SUGCT: variants seen among roughly 807,000 people sequenced by gnomAD.
SUGCT encodes the protein succinyl-CoA:glutarate-CoA transferase, also known as succinyl-CoA:glutarate CoA-transferase.
In SUGCT, 41 loss-of-function variants were observed where a neutral mutation model predicts 55.0. The observed-to-expected ratio is 0.74, with a 90% CI of 0.58 to 0.97. The LOEUF is 0.97. SUGCT is among the 50% of genes least tolerant of loss of function. SUGCT has a pLI of 0.00. For missense variants in SUGCT, 568 were observed against 547.8 expected, an observed-to-expected ratio of 1.04 and a Z score of -0.37; for synonymous variants, 187 against 200.4, an observed-to-expected ratio of 0.93 and a Z score of 0.56.
the SUGCT span, among the ~76,000 whole-genome samples, chr7:40,914,979 G>A: frequency 6.6e-6 from 1 of 152,276 alleles, no homozygotes; most frequent in African/African-American, 2.4e-5. Flanking sequence ...AATTTTGCAG[G>A]TTTAGAAAAG....
intron 12 of SUGCT, among the ~76,000 whole-genome samples, chr7:40,670,458 A>G (rs549946550): frequency 1.3e-5 from 2 of 152,272 alleles, no homozygotes; most frequent in East Asian, 3.9e-4. Context: ...AATGTCAGAA[A>G]TAAAACAGGA....
the SUGCT span, among the ~76,000 whole-genome samples, chr7:40,880,750 A>G: frequency 6.6e-6 from 1 of 152,204 alleles, no homozygotes; most frequent in Non-Finnish European, 1.5e-5. Flanking sequence ...TGATTCAGTG[A>G]CCTATGCTGA....
intron 12 of SUGCT, among the ~76,000 whole-genome samples, chr7:40,501,095 G>T (rs1339424234): frequency 6.6e-6 from 1 of 152,016 alleles, no homozygotes; most frequent in East Asian, 1.9e-4. Context: ...GAAAACTGTT[G>T]GTAAAGATCT....
At chr7:40,439,103 T>G (rs1229468373) in intron 9 of SUGCT, among the ~76,000 whole-genome samples, 1 of 129,706 alleles carries the variant, frequency 7.7e-6, no homozygotes, top group Non-Finnish European at 1.6e-5. Flanking sequence ...TATATATATA[T>G]ATATATATGG....
At chr7:40,747,411 C>T (rs1441666949) in intron 12 of SUGCT, among the ~76,000 whole-genome samples, 1 of 152,214 alleles carries the variant, frequency 6.6e-6, no homozygotes, top group East Asian at 1.9e-4. Context: ...TTTGAGCTCT[C>T]TCTCCGAGTT....
At chr7:40,467,133 C>T (rs893312955) in intron 11 of SUGCT, among the ~76,000 whole-genome samples, 1 of 132,932 alleles carries the variant, frequency 7.5e-6, no homozygotes, top group Non-Finnish European at 1.5e-5. Context: ...ACCTGGGAGG[C>T]GGAGGTTGCA....
chr7:40,240,443 A>G (rs984203288), intron 7 of SUGCT, among the ~76,000 whole-genome samples: 19 of 152,026 alleles, frequency 1.2e-4, no homozygotes, highest in Non-Finnish European at 2.4e-4. Flanking sequence ...AGATGGCGCC[A>G]TTGCACTCCA....
At chr7:40,815,890 G>T (rs1022400920) in intron 13 of SUGCT, among the ~76,000 whole-genome samples, 2 of 152,166 alleles carry the variant, frequency 1.3e-5, no homozygotes, top group Non-Finnish European at 2.9e-5. Context: ...CCCAGGAAGG[G>T]TGGTGCGGCT....
the SUGCT span, among the ~76,000 whole-genome samples, chr7:41,017,367 C>A: frequency 6.6e-6 from 1 of 152,232 alleles, no homozygotes; most frequent in Admixed American, 6.5e-5. Context: ...GGCCACATGG[C>A]AGACCCTTCT....
At chr7:40,208,825 G>A (rs1266674623) in intron 6 of SUGCT, among the ~76,000 whole-genome samples, 3 of 152,120 alleles carry the variant, frequency 2.0e-5, no homozygotes, top group Non-Finnish European at 2.9e-5. Flanking sequence ...GATTACAGGC[G>A]TGAGCCACTG....
chr7:40,747,496 A>C (rs1276069739), intron 12 of SUGCT, among the ~76,000 whole-genome samples: 1 of 152,212 alleles, frequency 6.6e-6, no homozygotes, highest in Admixed American at 6.5e-5. Flanking sequence ...TATGGTAAGA[A>C]GGTAGATATG....
In SUGCT at chr7:40,638,327, C is replaced by T. The variant is rs1584183560; in HGVS notation, c.1090-111107C>T. Among the ~76,000 whole-genome samples the T allele has an allele frequency of 2.6e-5, 4 of 152,000 alleles. No homozygotes were observed. In the East Asian group the frequency reaches 7.8e-4, roughly 30 times the overall value. ...CAAGCTTTTTGCTTTAATAATATTA[C>T]TCTTATTTGCATTCTGAAATGCTTC... On this transcript the variant is annotated intron_variant, in intron 12 of 13. Coordinates refer to ENST00000335693, the MANE Select transcript of SUGCT (RefSeq NM_001193313.2).
intron 9 of SUGCT, among the ~76,000 whole-genome samples, chr7:40,344,164 C>T (rs56089082): frequency 0.014 from 2,205 of 152,232 alleles, 46 homozygotes; most frequent in South Asian, 0.059. Context: ...AAATTGGCAG[C>T]TTAGGATGTG....
intron 7 of SUGCT, among the ~76,000 whole-genome samples, chr7:40,238,323 A>G (rs544086820): frequency 5.8e-4 from 88 of 152,232 alleles, no homozygotes; most frequent in Non-Finnish European, 1.1e-3. Context: ...CTCTCCATTG[A>G]TAGTGGTTTG....
intron 12 of SUGCT, among the ~76,000 whole-genome samples, chr7:40,617,221 T>C (rs187604689): frequency 3.5e-4 from 53 of 152,304 alleles, no homozygotes; most frequent in African/African-American, 1.1e-3. Flanking sequence ...GCTGAAAACC[T>C]TTGTCATAAG....
At chr7:40,341,901 TA>T (rs1052546146) in intron 9 of SUGCT, among the ~76,000 whole-genome samples, 16 of 151,138 alleles carry the variant, frequency 1.1e-4, no homozygotes, top group Admixed American at 2.0e-4. Flanking sequence ...GGGCAAATAT[TA>T]AAAAAAAAGA....
intron 12 of SUGCT, among the ~76,000 whole-genome samples, chr7:40,680,811 T>G (rs1784202914): frequency 6.6e-6 from 1 of 152,150 alleles, no homozygotes; most frequent in Non-Finnish European, 1.5e-5. Flanking sequence ...TCATTCTACC[T>G]GGGGTTGGCA....
At chr7:40,330,569 G>A (rs1440565451) in intron 9 of SUGCT, among the ~76,000 whole-genome samples, 3 of 151,864 alleles carry the variant, frequency 2.0e-5, no homozygotes, top group Non-Finnish European at 2.9e-5. Context: ...CTCTAAGTCC[G>A]GCATGGTTTT....
intron 12 of SUGCT, among the ~76,000 whole-genome samples, chr7:40,680,785 G>A (rs184978541): frequency 6.6e-6 from 1 of 152,258 alleles, no homozygotes; most frequent in Admixed American, 6.5e-5. Flanking sequence ...GGCATGTGTG[G>A]CCAATGTAGT....
Sources: gnomAD v4.1 joint callset for allele counts (sites outside exome capture counted in the v4.1 genomes callset) on GRCh38, gnomAD v4.1.1 for gene constraint, MANE v1.5 for transcripts, NCBI Gene and HGNC (gene_info 2026-07-23, HGNC 2026-07-21) for gene names.